PKD1L3: variants seen among roughly 807,000 people sequenced by gnomAD.
The protein encoded by PKD1L3 is polycystin 1 like 3, transient receptor potential channel interacting.
In PKD1L3, 239 loss-of-function variants were observed where a neutral mutation model predicts 184.1. That is an observed-to-expected ratio of 1.30 (90% CI 1.17 to 1.45). The LOEUF (loss-of-function observed/expected upper bound fraction) is 1.45. PKD1L3 is among the 40% of genes most tolerant of loss of function. The pLI is 0.00. For missense variants in PKD1L3, 2,660 were observed against 2,067.2 expected, an observed-to-expected ratio of 1.29 and a Z score of -5.56; for synonymous variants, 996 against 778.8, an observed-to-expected ratio of 1.28 and a Z score of -4.64.
chr16:71,965,538 A>T (rs1031078485), intron 15 of PKD1L3, among the ~76,000 whole-genome samples: 2 of 150,696 alleles, frequency 1.3e-5, no homozygotes, highest in South Asian at 4.2e-4. Context: ...TCCTCCCCTA[A>T]ACTTGGTTTT....
At chr16:71,935,617 G>T in intron 25 of PKD1L3, 99 bp from the exon 26 acceptor site, 1 of 1,130,500 alleles carries the variant, frequency 8.8e-7, no homozygotes, top group Non-Finnish European at 1.2e-6. Flanking sequence ...TGTGGGCAAA[G>T]CACACTGCCA....
At chr16:71,987,171 C>T (rs958536848) in intron 4 of PKD1L3, among the ~76,000 whole-genome samples, 1 of 151,654 alleles carries the variant, frequency 6.6e-6, no homozygotes, top group Non-Finnish European at 1.5e-5. Flanking sequence ...GATCCACCCA[C>T]CTTGGCCTCC....
intron 15 of PKD1L3, among the ~76,000 whole-genome samples, chr16:71,965,405 G>A (rs2039463698): frequency 6.6e-6 from 1 of 152,098 alleles, no homozygotes; most frequent in South Asian, 2.1e-4. Flanking sequence ...CTATGAGTGT[G>A]ATTTCTGGGT....
intron 28 of PKD1L3, chr16:71,930,728 AAT>A (rs1033633326): frequency 8.5e-5 from 13 of 152,180 alleles, no homozygotes; most frequent in African/African-American, 3.1e-4. Flanking sequence ...TGCATACATA[AAT>A]ATCAAGTTCT....
chr16:71,931,692 G>C (rs1415917204), intron 28 of PKD1L3, among the ~76,000 whole-genome samples: 1 of 151,970 alleles, frequency 6.6e-6, no homozygotes, highest in East Asian at 1.9e-4. Flanking sequence ...TTGAACTCCT[G>C]ACCTCAAGTG....
At chr16:71,941,106 G>C (rs907057402) in intron 24 of PKD1L3, among the ~76,000 whole-genome samples, 2 of 152,056 alleles carry the variant, frequency 1.3e-5, no homozygotes, top group Non-Finnish European at 1.5e-5. Flanking sequence ...CCAAAGTGCT[G>C]GGATTATAGG....
intron 2 of PKD1L3, among the ~76,000 whole-genome samples, chr16:71,994,649 A>G (rs1035691677): frequency 1.3e-5 from 2 of 152,086 alleles, no homozygotes; most frequent in Admixed American, 1.3e-4. Flanking sequence ...GTCCAAACTT[A>G]TCAGCTCCAA....
chr16:71,969,182 C>T (rs1318020469), intron 13 of PKD1L3, among the ~76,000 whole-genome samples: 4 of 152,024 alleles, frequency 2.6e-5, no homozygotes, highest in African/African-American at 4.8e-5. Context: ...CCACCTGCCT[C>T]GGCCTCCCAA....
rs1262738402 is a variant in PKD1L3 at position 71,954,225 on chromosome 16, A to G, written c.2689T>C (p.Trp897Arg). 1.1e-5 allele frequency: 17 copies of G among 1,551,116 alleles called. No homozygotes were observed. Among genetic ancestry groups the G allele is most frequent in the Non-Finnish European group, 1.4e-5 (16 of 1,146,720 alleles). Residue 897 changes from tryptophan to arginine, a missense_variant, in exon 17 of 30, where the codon TGG becomes CGG. Transcript: ENST00000620267. ...LWLSIATRHP[W>R]NQFTRVQRLS... ...CGTTGGACCCTTGTAAACTGGTTCC[A>G]GGGATGCCGAGTTGCAATTGAAAGC...
chr16:71,977,229 G>C lies in PKD1L3; in HGVS notation c.1759+7C>G. On this transcript the variant is annotated splice_region_variant and intron_variant, in intron 11 of 29. Transcript: ENST00000620267. The stretch of plus-strand genomic sequence containing the variant: ...AAGTAAGTTTCTGACAGCTGATTGG[G>C]TTTTACCTTTTTGCCACACCTTATC... 6.7e-7 allele frequency: 1 copy of C among 1,503,598 alleles called. No homozygotes were observed. Among genetic ancestry groups the C allele is most frequent in the Non-Finnish European group, 9.1e-7 (1 of 1,103,416 alleles). The allele number at this position is 1,503,598 out of a possible 1,614,324, so 93.1% of individuals were successfully genotyped here.
At position 71,942,701 on chromosome 16, in the gene PKD1L3, G is replaced by A. The variant is rs1319637775; in HGVS notation, c.4183C>T (p.Pro1395Ser). The change falls in exon 24 of 30, where the codon CCC (proline) becomes TCC (serine). Residue 1395 changes from proline (P) to serine (S), a missense_variant. Coordinates refer to ENST00000620267, the MANE Select transcript of PKD1L3 (RefSeq NM_181536.2). ...FCDNGHTCGR[P>S]KSLFPGLHLR... is the part of the protein sequence containing the mutation. ...TGAAGTCCAGGGAATAGGCTCTTGGGACGCCCACAGGTATGGCCGTTATCA... is the reference window on the plus strand; with the variant it reads ...TGAAGTCCAGGGAATAGGCTCTTGGAACGCCCACAGGTATGGCCGTTATCA... The A allele has an allele frequency of 2.6e-6, 4 of 1,551,730 alleles. No homozygotes were observed. In the Admixed American group the frequency reaches 5.9e-5, roughly 23 times the overall value.
At chr16:71,931,743 G>T (rs999262775) in intron 28 of PKD1L3, among the ~76,000 whole-genome samples, 5 of 152,074 alleles carry the variant, frequency 3.3e-5, no homozygotes, top group African/African-American at 1.2e-4. Flanking sequence ...GGGATTACAG[G>T]CGTGAGCTAC....
rs573753126 is a variant in PKD1L3, at chr16:71,959,027, T to G, written c.2612+4178A>C. The stretch of plus-strand genomic sequence containing the variant: ...TGAACGTGGGAGGCAGAGGTTATAG[T>G]AAGCTGAGATTGCACCACTGCACTC... On this transcript the variant is annotated intron_variant, in intron 16 of 29. Transcript: ENST00000620267. Among the ~76,000 whole-genome samples, 358 of 134,850 alleles carry G rather than the reference T, an allele frequency of 2.7e-3. 8 individuals are homozygous for G. Among genetic ancestry groups the G allele is most frequent in the Admixed American group, 0.021 (239 of 11,554 alleles). 88.5% of individuals were successfully genotyped at this position (134,850 alleles called of 152,430 possible).
At chr16:71,988,133 G>T (rs537641430) in intron 4 of PKD1L3, among the ~76,000 whole-genome samples, 1 of 152,276 alleles carries the variant, frequency 6.6e-6, no homozygotes. Context: ...GTTGAGAAGG[G>T]TCAGAAAAGG....
intron 2 of PKD1L3, among the ~76,000 whole-genome samples, chr16:71,997,623 C>CCA (rs1171259592): frequency 6.6e-6 from 1 of 152,132 alleles, no homozygotes; most frequent in East Asian, 1.9e-4. Flanking sequence ...TGGCACATGC[C>CCA]TGTAATCCCA....
rs990693385 is a variant in PKD1L3, at chr16:71,944,271, T to C, written c.3719-101A>G. 5.2e-6 allele frequency: 6 copies of C among 1,148,178 alleles called. No homozygotes were observed. In the Admixed American group the frequency reaches 7.9e-5, roughly 15 times the overall value. The allele number at this position is 1,148,178 out of a possible 1,614,324, so 71.1% of individuals were successfully genotyped here. ...ACTGTGAGCACCTCCTTTTAAATGT[T>C]AAACAAGGAATAAAACTACCTATGC... is the stretch of plus-strand genomic sequence containing the variant. On this transcript the variant is annotated intron_variant, in intron 22 of 29. Transcript: ENST00000620267.
intron 16 of PKD1L3, among the ~76,000 whole-genome samples, chr16:71,955,945 G>A (rs192153900): frequency 7.0e-4 from 106 of 152,166 alleles, no homozygotes; most frequent in Admixed American, 3.5e-3. Context: ...TCAATTAAAC[G>A]TCTTTCCTTT....
intron 3 of PKD1L3, among the ~76,000 whole-genome samples, chr16:71,992,905 G>A (rs2040645254): frequency 6.6e-6 from 1 of 152,182 alleles, no homozygotes; most frequent in Admixed American, 6.5e-5. Flanking sequence ...AAATAAACAA[G>A]TGATAACACC....
intron 24 of PKD1L3, among the ~76,000 whole-genome samples, chr16:71,939,729 A>G (rs925929732): frequency 6.6e-6 from 1 of 152,178 alleles, no homozygotes; most frequent in African/African-American, 2.4e-5. Flanking sequence ...TGGAAAATGG[A>G]AGGATACTTG....
Sources: allele counts gnomAD v4.1 joint callset (sites outside exome capture counted in the v4.1 genomes callset), GRCh38; gene constraint gnomAD v4.1.1; transcripts MANE v1.5; gene names NCBI Gene and HGNC (gene_info 2026-07-23, HGNC 2026-07-21).